The following CPEB2 variants were observed in gnomAD, a reference collection of about 807,000 sequenced individuals.
CPEB2 encodes the protein cytoplasmic polyadenylation element-binding protein 2.
CPEB2 carries 56 observed loss-of-function variants against 93.6 expected under a neutral mutation model. The observed-to-expected ratio is 0.60, with a 90% CI of 0.48 to 0.75. CPEB2 has a LOEUF of 0.75. CPEB2 is among the 30% of genes least tolerant of loss of function. The pLI is 0.00. For synonymous variants in CPEB2, 764 were observed against 586.3 expected (o/e 1.30, Z -4.38); for missense variants, 1,579 against 1,395.1 (o/e 1.13, Z -2.10).
chr4:15,060,912 A>G (rs541230671), intron 10 of CPEB2, among the ~76,000 whole-genome samples: 35 of 152,262 alleles, frequency 2.3e-4, no homozygotes, highest in Middle Eastern at 3.4e-3. Flanking sequence ...GACTCTAGAT[A>G]TGTTTTAAAA....
intron 4 of CPEB2, among the ~76,000 whole-genome samples, chr4:15,030,162 T>C (rs1302390710): frequency 6.6e-6 from 1 of 152,116 alleles, no homozygotes. Context: ...ATGTGGTTTT[T>C]TTTCTATTTT....
rs566025430 is a variant in CPEB2, at chr4:15,032,805, T to G, written c.2126-356T>G. 3.2e-4 allele frequency among the ~76,000 whole-genome samples: 48 copies of G among 152,224 alleles called. 2 individuals are homozygous for G. The East Asian group carries it at 9.2e-3, about 29-fold the overall frequency. On this transcript the variant is annotated intron_variant, in intron 4 of 11. Transcript: ENST00000538197. The stretch of plus-strand genomic sequence containing the variant: ...TCTATAGATAAAATTACAAACAACT[T>G]TGAAAAAATTTAAAAATTCACATTT...
chr4:15,004,254 C>A lies in CPEB2; in HGVS notation c.1581C>A (p.Pro527=). ...AGCAGCCGCAGAGCCGGAGGTCGCC[C>A]GTCAGCCCGCAGCTCCAGCAGCAGC... is the stretch of plus-strand genomic sequence containing the variant. ...APQQPQSRRS[P]VSPQLQQQHQ... is the part of the protein sequence containing the mutation. Residue 527 remains proline, a synonymous_variant, in exon 1 of 12, where the codon CCC becomes CCA. Transcript: ENST00000538197. 1 of 1,494,348 alleles carries A rather than the reference C, an allele frequency of 6.7e-7. No homozygotes were observed. Among genetic ancestry groups the A allele is most frequent in the African/African-American group, 1.5e-5 (1 of 68,562 alleles). The allele number at this position is 1,494,348 out of a possible 1,614,324, so 92.6% of individuals were successfully genotyped here. A position where few individuals can be genotyped will look rare whatever the true frequency, so the allele number is the denominator to read the frequency against.
At chr4:15,006,699 A>G (rs916264885) in intron 1 of CPEB2, 1 of 152,250 alleles carries the variant, frequency 6.6e-6, no homozygotes, top group African/African-American at 2.4e-5. Flanking sequence ...AAGACAAACT[A>G]TGCTAAAACT....
chr4:15,048,775 A>G (rs1727954288), intron 6 of CPEB2, among the ~76,000 whole-genome samples: 1 of 152,036 alleles, frequency 6.6e-6, no homozygotes, highest in African/African-American at 2.4e-5. Context: ...ATTCAGTTTT[A>G]TTCCTTTGAG....
At chr4:15,023,976 A>C (rs1725130740) in intron 4 of CPEB2, among the ~76,000 whole-genome samples, 1 of 152,072 alleles carries the variant, frequency 6.6e-6, no homozygotes, top group Non-Finnish European at 1.5e-5. Context: ...TATGTTTTGT[A>C]CTGTAATGTA....
chr4:15,028,413 A>G (rs1000777240), intron 4 of CPEB2, among the ~76,000 whole-genome samples: 1 of 151,900 alleles, frequency 6.6e-6, no homozygotes, highest in African/African-American at 2.4e-5. Context: ...TTTTTGATTC[A>G]GTCCATAGTT....
Position 15,003,921 on chromosome 4 carries a change from G to A in CPEB2, c.1248G>A (p.Gln416=). ...PPPPQQPPQP[Q]PQPPGSSATT... Reference sequence around the variant, plus strand: ...CACCCCAGCAGCCGCCCCAGCCGCAGCCGCAGCCGCCCGGCTCGTCTGCCA... The same window carrying A: ...CACCCCAGCAGCCGCCCCAGCCGCAACCGCAGCCGCCCGGCTCGTCTGCCA... The change falls in exon 1 of 12, where the codon CAG becomes CAA. Residue 416 remains glutamine (Q), a synonymous_variant. Transcript: ENST00000538197. 1 of 1,072,314 alleles carries A rather than the reference G, an allele frequency of 9.3e-7. No individual in the cohort carries two copies. Among genetic ancestry groups the A allele is most frequent in the Non-Finnish European group, 1.2e-6 (1 of 832,362 alleles). 66.4% of individuals were successfully genotyped at this position (1,072,314 alleles called of 1,614,324 possible). A position where few individuals can be genotyped will look rare whatever the true frequency, so the allele number is the denominator to read the frequency against.
intron 2 of CPEB2, 66 bp downstream of exon 2, chr4:15,007,652 G>A: frequency 5.8e-6 from 6 of 1,027,194 alleles, no homozygotes; most frequent in South Asian, 2.9e-5. Flanking sequence ...GTTGGGTGGT[G>A]GTGGTAGTGG....
At chr4:15,026,310 T>C (rs930000416) in intron 4 of CPEB2, among the ~76,000 whole-genome samples, 2 of 151,610 alleles carry the variant, frequency 1.3e-5, no homozygotes, top group African/African-American at 4.8e-5. Flanking sequence ...CACTGCAACC[T>C]CCACCTCCTG....
rs775763986 is a variant in CPEB2, at chr4:15,003,819, C to T, written c.1146C>T (p.Pro382=). The T allele has an allele frequency of 4.1e-6, 4 of 985,118 alleles. No individual in the cohort carries two copies. Among genetic ancestry groups the T allele is most frequent in the South Asian group, 7.2e-5 (2 of 27,686 alleles). 61.0% of individuals were successfully genotyped at this position (985,118 alleles called of 1,614,324 possible). A position where few individuals can be genotyped will look rare whatever the true frequency, so the allele number is the denominator to read the frequency against. Residue 382 remains proline (P), a synonymous_variant, in exon 1 of 12, where the codon CCC becomes CCT. Transcript: ENST00000538197. ...CGCCGCTGCCCGGCTTCGGCACCCCCTGGTCGGTGCAGACCGCGTCGCCGC... is the reference window on the plus strand; with the variant it reads ...CGCCGCTGCCCGGCTTCGGCACCCCTTGGTCGGTGCAGACCGCGTCGCCGC... ...SPPPLPGFGT[P]WSVQTASPPP...
chr4:15,055,732 C>A (rs1728654062), intron 8 of CPEB2, among the ~76,000 whole-genome samples: 1 of 152,160 alleles, frequency 6.6e-6, no homozygotes, highest in African/African-American at 2.4e-5. Flanking sequence ...TTCTGCCTGG[C>A]CTTGCCTTCT....
intron 4 of CPEB2, among the ~76,000 whole-genome samples, chr4:15,023,332 C>T (rs1028839121): frequency 1.3e-5 from 2 of 151,828 alleles, no homozygotes; most frequent in African/African-American, 2.4e-5. Context: ...CAAAGAATTT[C>T]TTTTGAAGGT....
At chr4:15,012,647 G>T (rs1239133600) in intron 3 of CPEB2, among the ~76,000 whole-genome samples, 1 of 152,024 alleles carries the variant, frequency 6.6e-6, no homozygotes, top group Admixed American at 6.5e-5. Context: ...TGTGTAACAG[G>T]AAAGTATGAT....
chr4:15,054,054 T>C (rs1003438110), intron 7 of CPEB2, 74 bp from the exon 8 acceptor site: 2 of 949,224 alleles, frequency 2.1e-6, no homozygotes, highest in African/African-American at 1.7e-5. Context: ...TAAATCTTCA[T>C]AGTAACAGTA....
chr4:15,046,345 C>T (rs761057690), intron 6 of CPEB2, among the ~76,000 whole-genome samples: 1 of 152,116 alleles, frequency 6.6e-6, no homozygotes, highest in Non-Finnish European at 1.5e-5. Flanking sequence ...TCTGCCTCAG[C>T]CTTCTGAGTA....
chr4:15,062,701 G>A (rs1208285379), intron 11 of CPEB2, among the ~76,000 whole-genome samples: 2 of 151,992 alleles, frequency 1.3e-5, no homozygotes, highest in Admixed American at 6.6e-5. Context: ...ATATATATAA[G>A]CACTTAGAAT....
Position 15,003,515 on chromosome 4 carries a change from G to A in CPEB2, c.842G>A (p.Ser281Asn). The A allele has an allele frequency of 7.0e-7, 1 of 1,434,946 alleles. No individual in the cohort carries two copies. The highest frequency in any genetic ancestry group is 1.4e-5 in the South Asian group (1 of 72,386). 88.9% of individuals were successfully genotyped at this position (1,434,946 alleles called of 1,614,324 possible). Residue 281 changes from serine (S) to asparagine (N), a missense_variant, in exon 1 of 12, where the codon AGC becomes AAC. By Grantham distance (46) the Ser-to-Asn change is conservative (BLOSUM62 1). This residue lies in a region of CPEB2 where 1,411 missense variants were observed against 1,056.0 expected (regional missense o/e 1.34). Coordinates refer to ENST00000538197, the MANE Select transcript of CPEB2 (RefSeq NM_001177382.2). Reference sequence around the variant, plus strand: ...CGGCGCCGCCACGGAGGCGCGGGCAGCCCTCGCAAGACCCCAGCCGCGGGC... The same window carrying A: ...CGGCGCCGCCACGGAGGCGCGGGCAACCCTCGCAAGACCCCAGCCGCGGGC... ...APRRRHGGAG[S>N]PRKTPAAGEG... is the part of the protein sequence containing the mutation.
chr4:15,047,380 C>T (rs1158429596), intron 6 of CPEB2, among the ~76,000 whole-genome samples: 1 of 152,130 alleles, frequency 6.6e-6, no homozygotes, highest in African/African-American at 2.4e-5. Flanking sequence ...GAATTTACAT[C>T]TAACATGGTT....
Sources: allele counts gnomAD v4.1 joint callset (sites outside exome capture counted in the v4.1 genomes callset), GRCh38; gene constraint gnomAD v4.1.1; regional missense constraint gnomAD v4.1.1; transcripts MANE v1.5; gene names NCBI Gene and HGNC (gene_info 2026-07-23, HGNC 2026-07-21).